FAM107A: variants seen among roughly 807,000 people sequenced by gnomAD.
FAM107A encodes the protein family with sequence similarity 107 member A.
FAM107A carries 19 observed loss-of-function variants against 13.7 expected under a neutral mutation model. That is an observed-to-expected ratio of 1.38 (90% CI 0.97 to 2.03). The LOEUF (loss-of-function observed/expected upper bound fraction) is 2.03. Ranked by LOEUF, FAM107A falls within the 30% of genes most tolerant of loss-of-function variation. FAM107A has a pLI of 0.00. For synonymous variants in FAM107A, 82 were observed against 74.5 expected (o/e 1.10, Z -0.52); for missense variants, 203 against 184.4 (o/e 1.10, Z -0.58).
rs943227190 is a variant in FAM107A at position 58,617,003 on chromosome 3, A to T, written c.-70+10413T>A. Among the ~76,000 whole-genome samples the T allele has an allele frequency of 6.6e-6, 1 of 151,806 alleles. No individual in the cohort carries two copies. Among genetic ancestry groups the T allele is most frequent in the Non-Finnish European group, 1.5e-5 (1 of 67,946 alleles). The stretch of plus-strand genomic sequence containing the variant: ...TAGCCAGGATGGTCTCAATCTCTTG[A>T]CCTTGTGATCCGCCTGCCTCGGCCT... On this transcript the variant is annotated intron_variant, in intron 1 of 3. Coordinates refer to the FAM107A transcript ENST00000465970. The surrounding 1 kb of genome is among the most constrained non-coding windows in gnomAD (Gnocchi z 4.5).
At chr3:58,577,450 G>A (rs2063740407), upstream of FAM107A, 3 of 985,336 alleles carry the variant, frequency 3.0e-6, no homozygotes, top group Non-Finnish European at 3.6e-6. This position sits in a 1 kb window ranked among gnomAD's most constrained non-coding sequence, Gnocchi z 4.9. Flanking sequence ...GCTGAAATGT[G>A]CCAACAAGTG....
At chr3:58,623,475 G>A (rs1038593239) in intron 1 of FAM107A, among the ~76,000 whole-genome samples, 3 of 152,188 alleles carry the variant, frequency 2.0e-5, no homozygotes, top group Non-Finnish European at 2.9e-5. Context: ...ACAGGACCAC[G>A]TGCCATTCCC....
chr3:58,593,458 C>T (rs1318022757), intron 1 of FAM107A, among the ~76,000 whole-genome samples: 4 of 152,186 alleles, frequency 2.6e-5, no homozygotes, highest in Admixed American at 2.6e-4. Flanking sequence ...ACTTTTCCTC[C>T]AAACCATCAT....
At chr3:58,582,147 G>A (rs1290073669), upstream of FAM107A, among the ~76,000 whole-genome samples, 3 of 152,240 alleles carry the variant, frequency 2.0e-5, no homozygotes, top group South Asian at 6.2e-4. Context: ...AAATAAAAAT[G>A]TCACACATCG....
intron 3 of FAM107A, 146 bp from the exon 4 acceptor site, chr3:58,566,841 G>C (rs936606124): frequency 1.2e-5 from 8 of 661,634 alleles, no homozygotes; most frequent in Middle Eastern, 7.8e-4. Flanking sequence ...TGGTAGCTGG[G>C]GCACAGAGCA....
At chr3:58,583,313 T>C (rs566316572) in intron 1 of FAM107A, among the ~76,000 whole-genome samples, 1 of 152,324 alleles carries the variant, frequency 6.6e-6, no homozygotes, top group East Asian at 1.9e-4. Flanking sequence ...GGTGAGCATG[T>C]CTTACTCTAA....
exon 1 of FAM107A, chr3:58,586,941 C>T (rs964780202): frequency 1.6e-5 from 25 of 1,527,792 alleles, no homozygotes; most frequent in Non-Finnish European, 2.2e-5. Flanking sequence ...CGCCATGCCC[C>T]CGCGCCTCCT....
chr3:58,568,678 T>C (rs978124824), intron 2 of FAM107A, among the ~76,000 whole-genome samples: 2 of 152,182 alleles, frequency 1.3e-5, no homozygotes, highest in South Asian at 2.1e-4. Context: ...GTGTACAAAA[T>C]GATAACTGTT....
chr3:58,578,115 A>G (rs559834218), upstream of FAM107A, among the ~76,000 whole-genome samples: 34 of 152,300 alleles, frequency 2.2e-4, no homozygotes, highest in South Asian at 6.2e-4. Flanking sequence ...ATGAGATGAC[A>G]TTAGTGAAGC....
chr3:58,578,042 T>C (rs901988534), upstream of FAM107A, among the ~76,000 whole-genome samples: 1 of 152,156 alleles, frequency 6.6e-6, no homozygotes, highest in Non-Finnish European at 1.5e-5. Flanking sequence ...TCAGTGTCTC[T>C]GTGTCTTGGT....
At position 58,565,285 on chromosome 3, in the gene FAM107A, C is replaced by G. The variant is rs1286473430; in HGVS notation, c.*1303G>C. 6.6e-6 allele frequency: 1 copy of G among 152,006 alleles called. No individual in the cohort carries two copies. Among genetic ancestry groups the G allele is most frequent in the Non-Finnish European group, 1.5e-5 (1 of 68,014 alleles). The allele number at this position is 152,006 out of a possible 1,614,324, so 9.4% of individuals were successfully genotyped here. ...GTTGGCCCAGCTAGGGGTTGGGTCT[C>G]AGGTGACAGAGGCCGGGGATTCAGA... On this transcript the variant is annotated 3_prime_UTR_variant, in exon 4 of 4. Transcript: ENST00000360997.
At chr3:58,582,240 TATG>T (rs1182985757), upstream of FAM107A, among the ~76,000 whole-genome samples, 1 of 152,226 alleles carries the variant, frequency 6.6e-6, no homozygotes, top group East Asian at 1.9e-4. Context: ...TACACTAAAA[TATG>T]ATTTGTTGTT....
chr3:58,581,084 G>A (rs1253388426), upstream of FAM107A, among the ~76,000 whole-genome samples: 1 of 152,198 alleles, frequency 6.6e-6, no homozygotes, highest in Non-Finnish European at 1.5e-5. Flanking sequence ...CTTCTGTGTG[G>A]CTTTCCCTGG....
chr3:58,598,509 C>G (rs963431448), intron 1 of FAM107A, among the ~76,000 whole-genome samples: 1 of 152,336 alleles, frequency 6.6e-6, no homozygotes, highest in African/African-American at 2.4e-5. Context: ...CACCCCCCAG[C>G]AGGCAGCAGC....
chr3:58,625,241 C>T (rs984032643), intron 1 of FAM107A, among the ~76,000 whole-genome samples: 11 of 152,116 alleles, frequency 7.2e-5, no homozygotes, highest in African/African-American at 1.2e-4. Context: ...GGAGGTCGCA[C>T]GTGCCCCGTA....
chr3:58,587,033 C>G lies in FAM107A; in HGVS notation c.-97G>C, dbSNP rs550082588. 17 of 1,369,814 alleles carry G rather than the reference C, an allele frequency of 1.2e-5. No individual in the cohort carries two copies. The East Asian group carries it at 5.2e-4, about 42-fold the overall frequency. 84.9% of individuals were successfully genotyped at this position (1,369,814 alleles called of 1,614,324 possible). A position where few individuals can be genotyped will look rare whatever the true frequency, so the allele number is the denominator to read the frequency against. On this transcript the variant is annotated 5_prime_UTR_variant, in exon 1 of 4. Transcript: ENST00000447756. The stretch of plus-strand genomic sequence containing the variant: ...CCGAAGCGCCTCCGCGACGGTGACG[C>G]GGCCCCAAGTCCCAAACCCCGCTGA...
chr3:58,587,534 C>G (rs976778893), upstream of FAM107A, among the ~76,000 whole-genome samples: 3 of 149,286 alleles, frequency 2.0e-5, no homozygotes, highest in Admixed American at 6.7e-5. Flanking sequence ...AGAACAGAGG[C>G]TGGTGCAGAA....
intron 3 of FAM107A, chr3:58,566,939 C>T: frequency 1.6e-6 from 1 of 608,548 alleles, no homozygotes; most frequent in Non-Finnish European, 2.9e-6. Context: ...GGGAATGCCA[C>T]CTGGCTCACA....
intron 1 of FAM107A, among the ~76,000 whole-genome samples, chr3:58,620,451 T>A (rs933609899): frequency 6.6e-6 from 1 of 152,244 alleles, no homozygotes; most frequent in African/African-American, 2.4e-5. Context: ...ATATAGATAT[T>A]TGAGATCCAC....
Sources: gnomAD v4.1 joint callset for allele counts (sites outside exome capture counted in the v4.1 genomes callset) on GRCh38, gnomAD v4.1.1 for gene constraint, Gnocchi (gnomAD v3.1) non-coding constraint, MANE v1.5 for transcripts, NCBI Gene and HGNC (gene_info 2026-07-23, HGNC 2026-07-21) for gene names.